Variants in HEPH observed in about 807,000 individuals in gnomAD.
The protein encoded by HEPH is hephaestin.
HEPH carries 69 observed loss-of-function variants against 80.8 expected under a neutral mutation model. The observed-to-expected ratio is 0.85, with a 90% CI of 0.70 to 1.04. HEPH has a LOEUF of 1.04. HEPH is among the 50% of genes least tolerant of loss of function. HEPH has a pLI of 0.00. For missense variants in HEPH, 1,115 were observed against 891.3 expected (o/e 1.25, Z -3.20); for synonymous variants, 431 against 322.8 (o/e 1.34, Z -3.60).
At chrX:66,187,710 C>T (rs1167235208) in intron 4 of HEPH, among the ~76,000 whole-genome samples, 2 of 111,137 alleles carry the variant, frequency 1.8e-5, no homozygotes, top group African/African-American at 3.3e-5. Flanking sequence ...CTTGGGATTC[C>T]TGGTGTGTTC....
intron 20 of HEPH, among the ~76,000 whole-genome samples, chrX:66,264,733 G>A (rs1258823823): frequency 9.3e-6 from 1 of 107,253 alleles, no homozygotes; most frequent in Non-Finnish European, 1.9e-5. Flanking sequence ...GGAAAGGTAA[G>A]GTGTGATTGT....
chrX:66,222,989 G>T (rs752153796), intron 15 of HEPH, among the ~76,000 whole-genome samples: 2 of 111,389 alleles, frequency 1.8e-5, no homozygotes, highest in South Asian at 7.7e-4. Flanking sequence ...CAGTCTAGGA[G>T]TCTGGAGGGG....
At chrX:66,229,753 C>T (rs2090042717) in intron 15 of HEPH, among the ~76,000 whole-genome samples, 1 of 111,262 alleles carries the variant, frequency 9.0e-6, no homozygotes, top group African/African-American at 3.3e-5. Flanking sequence ...TCCTACTCTC[C>T]AAAGAAAATT....
In HEPH at chrX:66,266,485, G is replaced by A. The variant is rs1451216260; in HGVS notation, c.3290G>A (p.Gly1097Asp). The change falls in exon 21 of 21, where the codon GGC (glycine) becomes GAC (aspartate). Residue 1097 changes from glycine (G) to aspartate (D), a missense_variant. Gly to Asp is a moderately conservative substitution (Grantham distance 94). Around this residue, in one of 3 missense-constraint regions of HEPH, gnomAD observed 716 missense variants for 523.5 expected, o/e 1.37. Transcript: ENST00000343002. Reference sequence around the variant, plus strand: ...GAAGAAGGCAATGTGAAGATGCTGGGCATGCAGATCCCCATAAAGAATGTT... The same window carrying A: ...GAAGAAGGCAATGTGAAGATGCTGGACATGCAGATCCCCATAAAGAATGTT... ...DIEEGNVKML[G>D]MQIPIKNVEM... 4 of 1,206,853 alleles carry A rather than the reference G, an allele frequency of 3.3e-6. No individual in the cohort carries two copies. Among genetic ancestry groups the A allele is most frequent in the East Asian group, 5.9e-5 (2 of 33,670 alleles).
intron 15 of HEPH, among the ~76,000 whole-genome samples, chrX:66,240,179 C>G (rs2090517002): frequency 9.0e-6 from 1 of 111,604 alleles, no homozygotes; most frequent in African/African-American, 3.2e-5. Context: ...AATGGAAATG[C>G]TAGAAATTAA....
At chrX:66,207,638 C>A (rs988439906) in intron 14 of HEPH, among the ~76,000 whole-genome samples, 3 of 111,181 alleles carry the variant, frequency 2.7e-5, no homozygotes, top group Non-Finnish European at 3.8e-5. Context: ...TGTGAAAAAA[C>A]TATATATATA....
At chrX:66,237,134 A>G (rs747669342) in intron 15 of HEPH, among the ~76,000 whole-genome samples, 149 of 103,404 alleles carry the variant, frequency 1.4e-3, no homozygotes, top group African/African-American at 5.5e-3. Context: ...CCTTCAGTTC[A>G]GCTCTGATTT....
chrX:66,201,033 C>T (rs1289919507), intron 12 of HEPH, among the ~76,000 whole-genome samples: 2 of 111,219 alleles, frequency 1.8e-5, no homozygotes, highest in African/African-American at 6.6e-5. Context: ...TAGTGAAGTT[C>T]TTATATGGCA....
rs1169334585 is a variant in HEPH at position 66,173,953 on chromosome X, C to A, written c.625+152C>A. On this transcript the variant is annotated intron_variant, in intron 4 of 20. Transcript: ENST00000343002. ...GCAAGAAAAATCTCTGCTAAACTCA[C>A]TTTGCACTATTTTTTTTTTTGCAAT... The A allele has an allele frequency of 2.0e-5, 7 of 351,579 alleles. No individual in the cohort carries two copies. In the East Asian group the frequency reaches 2.9e-4, roughly 15 times the overall value. 29.0% of individuals were successfully genotyped at this position (351,579 alleles called of 1,213,427 possible). A position where few individuals can be genotyped will look rare whatever the true frequency, so the allele number is the denominator to read the frequency against.
At chrX:66,236,347 C>A (rs758436821) in intron 15 of HEPH, among the ~76,000 whole-genome samples, 1 of 111,643 alleles carries the variant, frequency 9.0e-6, no homozygotes, top group Admixed American at 9.5e-5. Flanking sequence ...TCACTGAAAG[C>A]CTTTCCTGCA....
intron 18 of HEPH, among the ~76,000 whole-genome samples, chrX:66,259,899 A>AT (rs1017826648): frequency 4.7e-5 from 5 of 106,688 alleles, no homozygotes; most frequent in African/African-American, 1.0e-4. Context: ...TTTATTTTTT[A>AT]TTTTTTTTAG....
chrX:66,201,503 A>G (rs2088449636), intron 12 of HEPH, among the ~76,000 whole-genome samples: 1 of 110,662 alleles, frequency 9.0e-6, no homozygotes, highest in Non-Finnish European at 1.9e-5. Context: ...TTCAGATTCT[A>G]TGTATTTCTA....
At chrX:66,245,756 A>G (rs1602506046) in intron 15 of HEPH, among the ~76,000 whole-genome samples, 2 of 112,175 alleles carry the variant, frequency 1.8e-5, no homozygotes, top group South Asian at 7.5e-4. Flanking sequence ...CAAATGTAAA[A>G]GAACAGAAAT....
At chrX:66,170,935 C>T (rs150138704) in intron 2 of HEPH, among the ~76,000 whole-genome samples, 198 bp downstream of exon 2, 4 of 111,183 alleles carry the variant, frequency 3.6e-5, no homozygotes, top group Admixed American at 9.6e-5. Context: ...TGGAGTTTGC[C>T]GTAACATTTT....
chrX:66,232,309 G>T (rs2090182906), intron 15 of HEPH, among the ~76,000 whole-genome samples: 1 of 111,126 alleles, frequency 9.0e-6, no homozygotes, highest in African/African-American at 3.3e-5. Context: ...AGTTAGGGAG[G>T]ATTCCCTCTT....
chrX:66,265,796 G>A (rs1340767116), intron 20 of HEPH, among the ~76,000 whole-genome samples: 3 of 111,746 alleles, frequency 2.7e-5, no homozygotes, highest in African/African-American at 6.5e-5. Context: ...CTAGTAGATA[G>A]GACTAGAAGG....
rs375650776 is a variant in HEPH, at chrX:66,197,870, T to C, written c.1689T>C (p.Gly563=). The change falls in exon 10 of 21, where the codon GGT becomes GGC. Residue 563 remains glycine, a synonymous_variant. Coordinates refer to ENST00000343002, the MANE Select transcript of HEPH (RefSeq NM_001367233.3). The stretch of plus-strand genomic sequence containing the variant: ...GCCCGCTGCTGGTGTGCAGGGCTGG[T>C]GCCTTGGGTGCAGATGGCAAGCAGG... ...LVGPLLVCRA[G]ALGADGKQKG... The C allele has an allele frequency of 5.1e-5, 61 of 1,200,754 alleles. No homozygotes were observed. The African/African-American group carries it at 9.1e-4, about 18-fold the overall frequency.
At chrX:66,246,319 C>G (rs1018819892) in intron 15 of HEPH, among the ~76,000 whole-genome samples, 1 of 111,600 alleles carries the variant, frequency 9.0e-6, no homozygotes, top group African/African-American at 3.3e-5. Flanking sequence ...CATCTGGGTG[C>G]TTTTTAAGAC....
At chrX:66,258,793 A>G (rs559404045) in intron 17 of HEPH, 47 bp from the exon 18 acceptor site, 17 of 1,048,264 alleles carry the variant, frequency 1.6e-5, no homozygotes, top group African/African-American at 1.6e-4. Flanking sequence ...GGAGAGATGT[A>G]AGAAGCTTTT....
Sources: allele counts gnomAD v4.1 joint callset (sites outside exome capture counted in the v4.1 genomes callset), GRCh38; gene constraint gnomAD v4.1.1; regional missense constraint gnomAD v4.1.1; transcripts MANE v1.5; gene names NCBI Gene and HGNC (gene_info 2026-07-23, HGNC 2026-07-21).